TRIM24: variants seen among roughly 807,000 people sequenced by gnomAD.
The protein encoded by TRIM24 is transcription intermediary factor 1-alpha.
TRIM24 carries 29 observed loss-of-function variants against 123.9 expected under a neutral mutation model. The ratio of observed to expected loss-of-function variants is 0.23; its 90% CI spans 0.17 to 0.32. The LOEUF (loss-of-function observed/expected upper bound fraction) is 0.32, where lower values mean the gene tolerates loss of function less well. Among genes scored for constraint, TRIM24 ranks in the 10% least tolerant of loss-of-function variants. The probability of loss-of-function intolerance (pLI) is 1.00; values close to 1 mark genes in which losing one functional copy is unlikely to be tolerated. For synonymous variants in TRIM24, 456 were observed against 461.1 expected (o/e 0.99, Z 0.14); for missense variants, 932 against 1,295.3 (o/e 0.72, Z 4.31).
intron 2 of TRIM24, among the ~76,000 whole-genome samples, chr7:138,508,701 G>GCGCA (rs1554436623): frequency 1.5e-5 from 1 of 66,020 alleles, no homozygotes; most frequent in African/African-American, 6.4e-5. Context: ...GTGCGCGCGC[G>GCGCA]TGTGTGCGTG....
At chr7:138,482,466 A>AT (rs1279000079) in intron 1 of TRIM24, among the ~76,000 whole-genome samples, 1 of 152,142 alleles carries the variant, frequency 6.6e-6, no homozygotes, top group Non-Finnish European at 1.5e-5. Context: ...ATGCTTCTTA[A>AT]TTTTTTTCCT....
chr7:138,517,574 A>T (rs993619140), intron 3 of TRIM24, among the ~76,000 whole-genome samples: 2 of 152,010 alleles, frequency 1.3e-5, no homozygotes, highest in Admixed American at 1.3e-4. Context: ...GGGTTTCACC[A>T]TGTTGGCCAG....
In TRIM24 at chr7:138,538,785, A is replaced by T; in HGVS notation, c.1125A>T (p.Leu375Phe). 1 of 1,614,064 alleles carries T rather than the reference A, an allele frequency of 6.2e-7. No homozygotes were observed. The highest frequency in any genetic ancestry group is 8.5e-7 in the Non-Finnish European group (1 of 1,179,940). ...TTTCCAGTGGCAGCAGTACAGCATT[A>T]CTTTATAGCAAACGACTGGTAAGAT... ...WAVSSGSSTALLYSKRLITYR... is the reference protein window; with the variant it reads ...WAVSSGSSTAFLYSKRLITYR... The change falls in exon 7 of 19, where the codon TTA becomes TTT. Residue 375 changes from leucine to phenylalanine, a missense_variant. This residue lies in a region of TRIM24 where 527 missense variants were observed against 691.3 expected (regional missense o/e 0.76). Coordinates refer to ENST00000343526, the MANE Select transcript of TRIM24 (RefSeq NM_015905.3).
chr7:138,530,676 C>T (rs1796713111), intron 6 of TRIM24, among the ~76,000 whole-genome samples: 1 of 151,646 alleles, frequency 6.6e-6, no homozygotes. Flanking sequence ...CACGTTGGCT[C>T]AGGCTGGTCT....
chr7:138,585,005 AC>A lies in TRIM24; in HGVS notation c.*55del. 1 of 1,473,134 alleles carries A rather than the reference AC, an allele frequency of 6.8e-7. No individual in the cohort carries two copies. The highest frequency in any genetic ancestry group is 9.2e-7 in the Non-Finnish European group (1 of 1,085,048). The allele number at this position is 1,473,134 out of a possible 1,614,324, so 91.3% of individuals were successfully genotyped here. A position where few individuals can be genotyped will look rare whatever the true frequency, so the allele number is the denominator to read the frequency against. On this transcript the variant is annotated 3_prime_UTR_variant, in exon 19 of 19. Transcript: ENST00000343526. ...TTTAGATTTTTTTGTTTTCAAAAAA[AC>A]ATTTGTCAGTAATTTAACATCACTA...
intron 10 of TRIM24, among the ~76,000 whole-genome samples, chr7:138,567,964 C>T (rs1375551762): frequency 7.9e-5 from 12 of 151,946 alleles, no homozygotes; most frequent in African/African-American, 2.9e-4. Context: ...ATACAAGTTA[C>T]ATTCCACAAA....
rs182529402 is a variant in TRIM24 at position 138,534,216 on chromosome 7, A to G, written c.997-4441A>G. ...GGTTTTTTGTGTCTCTATCTCCTTC[A>G]GTTCTGCTCTGATCTTAGTTATTTC... On this transcript the variant is annotated intron_variant, in intron 6 of 18. Transcript: ENST00000343526. Among the ~76,000 whole-genome samples, 162 of 152,120 alleles carry G rather than the reference A, an allele frequency of 1.1e-3. 3 individuals are homozygous for G. Among genetic ancestry groups the G allele is most frequent in the Non-Finnish European group, 8.8e-5 (6 of 68,004 alleles).
chr7:138,539,106 A>C (rs1387971053), intron 7 of TRIM24, among the ~76,000 whole-genome samples: 4 of 152,172 alleles, frequency 2.6e-5, no homozygotes, highest in Non-Finnish European at 5.9e-5. Context: ...TGTGCCAGGT[A>C]CTAATTCTAA....
intron 10 of TRIM24, among the ~76,000 whole-genome samples, chr7:138,570,539 A>AT (rs1017745344): frequency 6.6e-6 from 1 of 150,974 alleles, no homozygotes; most frequent in African/African-American, 2.4e-5. Context: ...ATATATTTAC[A>AT]TTTTTTTTCC....
At chr7:138,561,260 C>T (rs1279425160) in intron 9 of TRIM24, among the ~76,000 whole-genome samples, 1 of 152,166 alleles carries the variant, frequency 6.6e-6, no homozygotes, top group Non-Finnish European at 1.5e-5. Context: ...CGGACCCCTT[C>T]CAATACAAAA....
At chr7:138,522,623 A>G (rs780625400) in intron 4 of TRIM24, among the ~76,000 whole-genome samples, 1 of 152,190 alleles carries the variant, frequency 6.6e-6, no homozygotes, top group Admixed American at 6.5e-5. Flanking sequence ...AACATGGTCT[A>G]TAGTTTAAAG....
chr7:138,501,128 C>G (rs991550300), intron 1 of TRIM24, among the ~76,000 whole-genome samples: 1 of 152,298 alleles, frequency 6.6e-6, no homozygotes, highest in East Asian at 1.9e-4. Context: ...GGCTTGTTTA[C>G]ACCAGCATCA....
chr7:138,539,331 A>G (rs1363958643), intron 7 of TRIM24, among the ~76,000 whole-genome samples: 1 of 152,010 alleles, frequency 6.6e-6, no homozygotes, highest in Non-Finnish European at 1.5e-5. Context: ...AGTGCTGGAT[A>G]TTTTTGCCAC....
At position 138,460,920 on chromosome 7, in the gene TRIM24, C is replaced by G. The variant is rs1794949284; in HGVS notation, c.364+8C>G. The G allele has an allele frequency of 1.4e-6, 2 of 1,436,604 alleles. No homozygotes were observed. Among genetic ancestry groups the G allele is most frequent in the African/African-American group, 3.0e-5 (2 of 67,392 alleles). 89.0% of individuals were successfully genotyped at this position (1,436,604 alleles called of 1,614,324 possible). A position where few individuals can be genotyped will look rare whatever the true frequency, so the allele number is the denominator to read the frequency against. ...CGCCGTTCGCCACCCAAGGTGAGAA[C>G]CGGCCGCGGCCGCTGGGGAGCCCGG... is the stretch of plus-strand genomic sequence containing the variant. On this transcript the variant is annotated splice_region_variant and intron_variant, in intron 1 of 18. Coordinates refer to ENST00000343526, the MANE Select transcript of TRIM24 (RefSeq NM_015905.3).
At chr7:138,487,950 T>C (rs557719157) in intron 1 of TRIM24, among the ~76,000 whole-genome samples, 9 of 152,268 alleles carry the variant, frequency 5.9e-5, no homozygotes, top group Non-Finnish European at 1.2e-4. Context: ...TCTGGTAGAA[T>C]TGGCTGTGAA....
rs1345181858 is a variant in TRIM24, at chr7:138,588,131, A to AAAG, written c.*3181_*3183dup. ...AAAAAGGTTACCTCCATAGTCAAAA[A>AAAG]AAGGGGGAGTATACAGCTGATTGTT... On this transcript the variant is annotated 3_prime_UTR_variant, in exon 19 of 19. Transcript: ENST00000343526. The AAAG allele has an allele frequency of 2.6e-5, 4 of 152,198 alleles. No individual in the cohort carries two copies. In the South Asian group the frequency reaches 8.3e-4, roughly 31 times the overall value. The allele number at this position is 152,198 out of a possible 1,614,324, so 9.4% of individuals were successfully genotyped here.
intron 7 of TRIM24, among the ~76,000 whole-genome samples, chr7:138,550,618 CTGTAACA>C (rs952209833): frequency 4.0e-4 from 61 of 152,218 alleles, no homozygotes; most frequent in Middle Eastern, 3.4e-3. Flanking sequence ...AGGAACAGAA[CTGTAACA>C]AGGAACAAGG....
chr7:138,536,694 C>T (rs1796881967), intron 6 of TRIM24, among the ~76,000 whole-genome samples: 1 of 152,226 alleles, frequency 6.6e-6, no homozygotes, highest in Admixed American at 6.5e-5. Flanking sequence ...TCTGTCCGTT[C>T]TGAGATCTCA....
At position 138,466,676 on chromosome 7, in the gene TRIM24, C is replaced by T. The variant is rs193259009; in HGVS notation, c.364+5764C>T. ...CTGGGAGTTTGCCTTTTTATTGAAACGTAAAGTTCTTTATATATATTCTAT... is the reference window on the plus strand; with the variant it reads ...CTGGGAGTTTGCCTTTTTATTGAAATGTAAAGTTCTTTATATATATTCTAT... On this transcript the variant is annotated intron_variant, in intron 1 of 18. Coordinates refer to ENST00000343526, the MANE Select transcript of TRIM24 (RefSeq NM_015905.3). 9.9e-5 allele frequency among the ~76,000 whole-genome samples: 15 copies of T among 152,016 alleles called. 1 individual carries two copies. The highest frequency in any genetic ancestry group is 2.7e-4 in the African/African-American group (11 of 41,486).
Sources: allele counts gnomAD v4.1 joint callset (sites outside exome capture counted in the v4.1 genomes callset), GRCh38; gene constraint gnomAD v4.1.1; regional missense constraint gnomAD v4.1.1; transcripts MANE v1.5; gene names NCBI Gene and HGNC (gene_info 2026-07-23, HGNC 2026-07-21).